The following NRG4 variants were observed in gnomAD, a reference collection of about 807,000 sequenced individuals.
NRG4 encodes pro-neuregulin-4, membrane-bound isoform.
A neutral mutation model predicts 15.0 loss-of-function variants in NRG4; 10 were observed. That is an observed-to-expected ratio of 0.67 (90% CI 0.41 to 1.13). The LOEUF (loss-of-function observed/expected upper bound fraction) is 1.13, where lower values mean the gene tolerates loss of function less well. Ranked by LOEUF, NRG4 falls within the 50% of genes most tolerant of loss-of-function variation. The pLI is 0.00. For missense variants in NRG4, 139 were observed against 140.2 expected (o/e 0.99, Z 0.04); for synonymous variants, 41 against 50.1 (o/e 0.82, Z 0.77).
chr15:75,942,180 GGAGTA>G lies in NRG4; in HGVS notation c.*1453_*1457del, dbSNP rs1030890200. On this transcript the variant is annotated 3_prime_UTR_variant, in exon 6 of 6. Coordinates refer to ENST00000394907, the MANE Select transcript of NRG4 (RefSeq NM_138573.4). Reference sequence around the variant, plus strand: ...GGGAGAGAGGGAGGGGTAAATACATGGAGTAGAGATTTTTAGGGTGGTGAAACTAC... The same window carrying G: ...GGGAGAGAGGGAGGGGTAAATACATGGAGATTTTTAGGGTGGTGAAACTAC... 6 of 151,848 alleles carry G rather than the reference GGAGTA, an allele frequency of 4.0e-5. No individual in the cohort carries two copies. The highest frequency in any genetic ancestry group is 1.5e-4 in the African/African-American group (6 of 41,334). 9.4% of individuals were successfully genotyped at this position (151,848 alleles called of 1,614,324 possible).
chr15:75,960,671 G>A (rs1375088930), intron 4 of NRG4, among the ~76,000 whole-genome samples: 1 of 152,092 alleles, frequency 6.6e-6, no homozygotes, highest in Admixed American at 6.6e-5. Flanking sequence ...TATGATCAAG[G>A]CAGTCACGGT....
At chr15:75,989,138 A>G (rs1291245729) in intron 3 of NRG4, among the ~76,000 whole-genome samples, 2 of 152,174 alleles carry the variant, frequency 1.3e-5, no homozygotes, top group Admixed American at 1.3e-4. Context: ...GATTACAGGC[A>G]TGAGCCAGCA....
At chr15:75,954,220 A>G (rs1456898036) in intron 5 of NRG4, among the ~76,000 whole-genome samples, 1 of 145,492 alleles carries the variant, frequency 6.9e-6, no homozygotes, top group Non-Finnish European at 1.5e-5. Flanking sequence ...AATATTTTCT[A>G]TGGTGTGTAA....
chr15:75,948,352 T>C (rs1308202794), intron 5 of NRG4, among the ~76,000 whole-genome samples: 1 of 151,148 alleles, frequency 6.6e-6, no homozygotes, highest in East Asian at 1.9e-4. Flanking sequence ...TTTATTGAGA[T>C]GGAATCTCGT....
chr15:75,955,843 C>G, intron 5 of NRG4, 89 bp downstream of exon 5: 3 of 534,012 alleles, frequency 5.6e-6, no homozygotes, highest in Non-Finnish European at 9.5e-6. Flanking sequence ...CCTTTTTTTT[C>G]TGGATAGATC....
At chr15:75,961,799 TC>T in intron 4 of NRG4, 28 bp downstream of exon 4, 4 of 1,556,786 alleles carry the variant, frequency 2.6e-6, no homozygotes, top group Middle Eastern at 1.7e-4. Context: ...GTATTACTTT[TC>T]TCAAAAGCAT....
intron 5 of NRG4, among the ~76,000 whole-genome samples, chr15:75,949,255 C>G (rs1303789863): frequency 6.6e-6 from 1 of 152,024 alleles, no homozygotes; most frequent in Admixed American, 6.5e-5. Context: ...CCGAAAAATA[C>G]AAAACACTAG....
intron 2 of NRG4, among the ~76,000 whole-genome samples, chr15:76,010,070 T>G (rs2034753653): frequency 1.3e-5 from 2 of 152,034 alleles, no homozygotes; most frequent in South Asian, 4.2e-4. Context: ...CTTTCTCCCT[T>G]GGTACCTCTC....
intron 3 of NRG4, among the ~76,000 whole-genome samples, chr15:75,971,592 G>C (rs2033094491): frequency 6.6e-6 from 1 of 152,034 alleles, no homozygotes; most frequent in Admixed American, 6.6e-5. Context: ...ATCTATAGAG[G>C]ATATTATTAC....
intron 4 of NRG4, among the ~76,000 whole-genome samples, chr15:76,037,737 G>A (rs773003565): frequency 2.6e-4 from 40 of 152,186 alleles, no homozygotes; most frequent in Middle Eastern, 3.4e-3. Flanking sequence ...TGCACTACCC[G>A]TCCCCCAACC....
chr15:75,990,679 T>G lies in NRG4; in HGVS notation c.104+18521A>C, dbSNP rs545793241. Among the ~76,000 whole-genome samples the G allele has an allele frequency of 8.8e-4, 130 of 147,298 alleles. 1 individual carries two copies. The South Asian group carries it at 0.011, about 13-fold the overall frequency. Reference sequence around the variant, plus strand: ...TACTGTAGTTGGTAATTGTTTTTTTTTTTTGTTTTTTTTTTTTTTGAGACA... The same window carrying G: ...TACTGTAGTTGGTAATTGTTTTTTTGTTTTGTTTTTTTTTTTTTTGAGACA... On this transcript the variant is annotated intron_variant, in intron 3 of 5. Transcript: ENST00000394907.
intron 3 of NRG4, among the ~76,000 whole-genome samples, chr15:76,007,160 T>C (rs1235331942): frequency 1.3e-5 from 2 of 151,078 alleles, no homozygotes; most frequent in Non-Finnish European, 1.5e-5. Flanking sequence ...CTAAACGTCA[T>C]TGAGTCGAAG....
intron 5 of NRG4, chr15:75,951,290 C>T (rs1318522157): frequency 6.6e-6 from 1 of 150,756 alleles, no homozygotes; most frequent in Non-Finnish European, 1.5e-5. Context: ...ACCTCAGCCT[C>T]CCGAATAGCT....
intron 4 of NRG4, among the ~76,000 whole-genome samples, chr15:76,045,241 A>G (rs955545977): frequency 3.3e-5 from 5 of 151,148 alleles, no homozygotes; most frequent in African/African-American, 1.2e-4. Flanking sequence ...ACAATGAGAT[A>G]TCATCTTACA....
At chr15:76,053,824 CCCGG>C (rs1409667506) in intron 2 of NRG4, among the ~76,000 whole-genome samples, 1 of 150,956 alleles carries the variant, frequency 6.6e-6, no homozygotes. Flanking sequence ...AGCCACTGCA[CCCGG>C]CCTGTACTTG....
At chr15:76,019,008 T>A (rs2035070946) in intron 5 of NRG4, among the ~76,000 whole-genome samples, 1 of 152,060 alleles carries the variant, frequency 6.6e-6, no homozygotes, top group African/African-American at 2.4e-5. Context: ...TGCTGCCTTT[T>A]TTTTTTAGAG....
chr15:76,051,162 C>T (rs906118223), intron 4 of NRG4, among the ~76,000 whole-genome samples: 3 of 148,628 alleles, frequency 2.0e-5, no homozygotes, highest in South Asian at 4.2e-4. Context: ...CCCGCCACTA[C>T]GCCCGGCTAA....
At chr15:75,967,066 A>T (rs1344822374) in intron 3 of NRG4, among the ~76,000 whole-genome samples, 2 of 147,786 alleles carry the variant, frequency 1.4e-5, no homozygotes, top group African/African-American at 5.1e-5. Context: ...GTGAGCTGAG[A>T]TCGCGCCGCT....
intron 3 of NRG4, among the ~76,000 whole-genome samples, chr15:75,995,392 C>T (rs1160892482): frequency 1.3e-5 from 2 of 151,962 alleles, no homozygotes; most frequent in Non-Finnish European, 2.9e-5. Context: ...GGGAAGACCA[C>T]AGACTCTTTT....
Sources: gnomAD v4.1 joint callset for allele counts (sites outside exome capture counted in the v4.1 genomes callset) on GRCh38, gnomAD v4.1.1 for gene constraint, MANE v1.5 for transcripts, NCBI Gene and HGNC (gene_info 2026-07-23, HGNC 2026-07-21) for gene names.